MPRIP: variants seen among roughly 807,000 people sequenced by gnomAD.
MPRIP encodes myosin phosphatase Rho interacting protein.
A neutral mutation model predicts 234.9 loss-of-function variants in MPRIP; 59 were observed. That is an observed-to-expected ratio of 0.25 (90% CI 0.20 to 0.31). The LOEUF is 0.31. Ranked by LOEUF, MPRIP falls within the 10% of genes least tolerant of loss-of-function variation. MPRIP has a pLI of 1.00. For missense variants in MPRIP, 2,436 were observed against 3,071.0 expected (o/e 0.79, Z 4.89); for synonymous variants, 1,144 against 1,263.9 (o/e 0.91, Z 2.01).
At chr17:17,173,791 A>C in intron 18 of MPRIP, 125 bp from the exon 19 acceptor site, 2 of 1,128,438 alleles carry the variant, frequency 1.8e-6, no homozygotes, top group Non-Finnish European at 2.7e-6. Context: ...ACCCAGGCTG[A>C]TTAAGACAAC....
intron 3 of MPRIP, among the ~76,000 whole-genome samples, chr17:17,113,936 A>T (rs2090228408): frequency 7.5e-6 from 1 of 133,280 alleles, no homozygotes; most frequent in African/African-American, 3.0e-5. Flanking sequence ...TCTGTTGCCC[A>T]GACTGGAGTG....
intron 3 of MPRIP, among the ~76,000 whole-genome samples, chr17:17,082,139 C>T (rs949141937): frequency 1.7e-4 from 26 of 152,222 alleles, no homozygotes; most frequent in African/African-American, 5.8e-4. Flanking sequence ...CACCAGACAT[C>T]ACTAGAAGGC....
intron 1 of MPRIP, among the ~76,000 whole-genome samples, chr17:17,065,556 CCA>C (rs1009444984): frequency 6.6e-6 from 1 of 152,050 alleles, no homozygotes; most frequent in African/African-American, 2.4e-5. Flanking sequence ...TCCACCAATA[CCA>C]CACAGTCTTC....
intron 3 of MPRIP, among the ~76,000 whole-genome samples, chr17:17,105,277 A>C (rs1365097509): frequency 6.6e-6 from 1 of 152,264 alleles, no homozygotes; most frequent in African/African-American, 2.4e-5. Flanking sequence ...TTTTCACTGC[A>C]GGCCTCAGCC....
chr17:17,112,510 A>C (rs1280398950), intron 3 of MPRIP, among the ~76,000 whole-genome samples: 3 of 152,148 alleles, frequency 2.0e-5, no homozygotes, highest in African/African-American at 7.2e-5. Context: ...CCTGCCCCGC[A>C]GCCCCAGCCC....
chr17:17,141,466 C>T (rs2090815649), intron 7 of MPRIP: 1 of 152,262 alleles, frequency 6.6e-6, no homozygotes, highest in South Asian at 2.1e-4. Flanking sequence ...TGTGTCTAAG[C>T]ACAGGGAGGA....
intron 3 of MPRIP, among the ~76,000 whole-genome samples, chr17:17,116,370 G>T (rs925790585): frequency 3.3e-5 from 5 of 152,330 alleles, no homozygotes; most frequent in African/African-American, 1.2e-4. Flanking sequence ...GGTAACCGTG[G>T]GTCTCCCAGG....
At chr17:17,115,599 A>G (rs2090269383) in intron 3 of MPRIP, among the ~76,000 whole-genome samples, 1 of 152,226 alleles carries the variant, frequency 6.6e-6, no homozygotes, top group African/African-American at 2.4e-5. Flanking sequence ...TCACGTGGTT[A>G]TACAACCACC....
At chr17:17,152,419 C>G (rs2045623219) in intron 12 of MPRIP, among the ~76,000 whole-genome samples, 1 of 152,252 alleles carries the variant, frequency 6.6e-6, no homozygotes. Flanking sequence ...ACCCACTGAT[C>G]AACCCCTCCT....
At position 17,131,602 on chromosome 17, in the gene MPRIP, C is replaced by T. The variant is rs770727562; in HGVS notation, c.420-15C>T. 2.5e-6 allele frequency: 4 copies of T among 1,613,422 alleles called. No homozygotes were observed. Among genetic ancestry groups the T allele is most frequent in the South Asian group, 1.1e-5 (1 of 91,074 alleles). On this transcript the variant is annotated splice_polypyrimidine_tract_variant and intron_variant, in intron 4 of 23. Coordinates refer to ENST00000651222, the MANE Select transcript of MPRIP (RefSeq NM_001364716.4). ...CAGGGTCTTACCTGGTACTTGTCTC[C>T]TTTTCTCTTCCCAGGTGGCTGGAGA...
At chr17:17,077,560 G>T in intron 2 of MPRIP, 1 of 157,282 alleles carries the variant, frequency 6.4e-6, no homozygotes. Context: ...AACCCCTTTT[G>T]TAGCAGTTTC....
chr17:17,043,507 G>A (rs1407536728), intron 1 of MPRIP, among the ~76,000 whole-genome samples: 3 of 152,180 alleles, frequency 2.0e-5, no homozygotes, highest in Non-Finnish European at 4.4e-5. Flanking sequence ...GTAGTTTAGC[G>A]GGGAGCTGGG....
chr17:17,175,357 G>T lies in MPRIP; in HGVS notation c.6815G>T (p.Gly2272Val). The change falls in exon 20 of 24, where the codon GGT becomes GTT. Residue 2272 changes from glycine to valine, a missense_variant. By Grantham distance (109) the Gly-to-Val change is moderately radical (BLOSUM62 -3). Transcript: ENST00000651222. The part of the protein sequence containing the change: ...RLRTLLTGDG[G>V]GEATGSPLAQ... ...CGGACGCTGCTGACTGGGGACGGCG[G>T]TGGGGAGGCCACTGGGTCACCCCTT... The T allele has an allele frequency of 1.2e-6, 2 of 1,613,448 alleles. No homozygotes were observed. The highest frequency in any genetic ancestry group is 1.3e-5 in the African/African-American group (1 of 75,064).
intron 1 of MPRIP, among the ~76,000 whole-genome samples, chr17:17,048,595 G>A (rs1486546928): frequency 1.3e-5 from 2 of 152,042 alleles, no homozygotes; most frequent in African/African-American, 2.4e-5. Context: ...AATGCTCAGC[G>A]TTGTCATCAG....
intron 3 of MPRIP, among the ~76,000 whole-genome samples, chr17:17,096,291 GTGTGTGTGT>G (rs1567711884): frequency 8.3e-3 from 14 of 1,688 alleles, no homozygotes; most frequent in South Asian, 0.023. Flanking sequence ...TGTGCAGGGT[GTGTGTGTGT>G]GTGTGTGTGT....
chr17:17,142,481 G>T, intron 7 of MPRIP, 146 bp from the exon 8 acceptor site: 1 of 900,920 alleles, frequency 1.1e-6, no homozygotes, highest in Non-Finnish European at 1.7e-6. Flanking sequence ...GCTCGGGTCA[G>T]CTGAGCACGT....
At chr17:17,043,812 G>A (rs7213335) in intron 1 of MPRIP, among the ~76,000 whole-genome samples, 4,643 of 152,180 alleles carry the variant, frequency 0.031, 243 homozygotes, top group African/African-American at 0.11. Flanking sequence ...CCAGGATTCC[G>A]AGCCTTGTGT....
chr17:17,118,960 T>C (rs12601424), intron 3 of MPRIP, among the ~76,000 whole-genome samples: 6,518 of 152,096 alleles, frequency 0.043, 238 homozygotes, highest in East Asian at 0.12. Context: ...GAGGGGCTTG[T>C]GATTTGTTAG....
In MPRIP at chr17:17,190,251, G is replaced by A. The variant is rs1017617960; in HGVS notation, c.*5357G>A. 4 of 152,234 alleles carry A rather than the reference G, an allele frequency of 2.6e-5. No homozygotes were observed. The highest frequency in any genetic ancestry group is 5.9e-5 in the Non-Finnish European group (4 of 68,044). 9.4% of individuals were successfully genotyped at this position (152,234 alleles called of 1,614,324 possible). A position where few individuals can be genotyped will look rare whatever the true frequency, so the allele number is the denominator to read the frequency against. ...GTCATCTTCACATCGAAAGGTGAAG[G>A]CCACCACTGTTCTCAATGCCAAGCA... On this transcript the variant is annotated 3_prime_UTR_variant, in exon 24 of 24. Coordinates refer to ENST00000651222, the MANE Select transcript of MPRIP (RefSeq NM_001364716.4).
Sources: allele counts gnomAD v4.1 joint callset (sites outside exome capture counted in the v4.1 genomes callset), GRCh38; gene constraint gnomAD v4.1.1; transcripts MANE v1.5; gene names NCBI Gene and HGNC (gene_info 2026-07-23, HGNC 2026-07-21).